The following SLC25A17 variants were observed in gnomAD, a reference collection of about 807,000 sequenced individuals.
SLC25A17 encodes the protein peroxisomal membrane protein PMP34.
In SLC25A17, 26 loss-of-function variants were observed where a neutral mutation model predicts 38.5. The observed-to-expected ratio is 0.68, with a 90% CI of 0.50 to 0.94. The LOEUF is 0.94. Ranked by LOEUF, SLC25A17 falls within the 40% of genes least tolerant of loss-of-function variation. The pLI is 0.00. For synonymous variants in SLC25A17, 139 were observed against 136.2 expected, an observed-to-expected ratio of 1.02 and a Z score of -0.14; for missense variants, 333 against 372.7, an observed-to-expected ratio of 0.89 and a Z score of 0.88.
At chr22:40,798,957 AAG>A in intron 2 of SLC25A17, 64 bp downstream of exon 2, 2 of 1,180,080 alleles carry the variant, frequency 1.7e-6, no homozygotes, top group East Asian at 2.4e-5. Context: ...AAAAAAAAAA[AAG>A]AAATTACTAG....
intron 1 of SLC25A17, among the ~76,000 whole-genome samples, chr22:40,803,030 A>G (rs2057496543): frequency 6.6e-6 from 1 of 152,238 alleles, no homozygotes; most frequent in South Asian, 2.1e-4. Context: ...AATATCGGAA[A>G]TCTTCTCTTC....
At chr22:40,791,784 G>A (rs2057387052) in intron 4 of SLC25A17, among the ~76,000 whole-genome samples, 1 of 152,180 alleles carries the variant, frequency 6.6e-6, no homozygotes, top group Non-Finnish European at 1.5e-5. Context: ...TCTGTGTACT[G>A]TTGGTGGGAT....
chr22:40,819,306 A>C lies in SLC25A17; in HGVS notation c.-58T>G, dbSNP rs1291294739. The C allele has an allele frequency of 2.6e-6, 4 of 1,541,106 alleles. No homozygotes were observed. The African/African-American group carries it at 5.6e-5, about 22-fold the overall frequency. Reference sequence around the variant, plus strand: ...TTCCCACAGATGCCGCAGCCAGTGGAGTTAGGAAAGGAGCACCGGAGCTCA... The same window carrying C: ...TTCCCACAGATGCCGCAGCCAGTGGCGTTAGGAAAGGAGCACCGGAGCTCA... On this transcript the variant is annotated 5_prime_UTR_variant, in exon 1 of 9. Transcript: ENST00000435456.
intron 8 of SLC25A17, among the ~76,000 whole-genome samples, chr22:40,772,325 T>C (rs963794415): frequency 7.9e-5 from 12 of 152,320 alleles, no homozygotes; most frequent in Admixed American, 3.9e-4. Context: ...TATTTTTTGA[T>C]AGAAGGTCTC....
intron 7 of SLC25A17, among the ~76,000 whole-genome samples, chr22:40,775,765 T>C (rs1374676521): frequency 6.6e-6 from 1 of 152,144 alleles, no homozygotes; most frequent in Non-Finnish European, 1.5e-5. Context: ...GCCCAACCGA[T>C]CTGATGGTTT....
intron 4 of SLC25A17, among the ~76,000 whole-genome samples, chr22:40,792,191 T>C (rs2057390538): frequency 6.6e-6 from 1 of 152,078 alleles, no homozygotes; most frequent in Non-Finnish European, 1.5e-5. Context: ...AGTAGTCAAA[T>C]TCTTAGAAAC....
chr22:40,800,768 T>A (rs2057473482), intron 1 of SLC25A17, among the ~76,000 whole-genome samples: 1 of 129,410 alleles, frequency 7.7e-6, no homozygotes, highest in Admixed American at 7.9e-5. Flanking sequence ...CCAGCCTGGG[T>A]GACAAAGCGA....
chr22:40,818,315 G>A (rs1280654448), intron 1 of SLC25A17, among the ~76,000 whole-genome samples: 1 of 152,170 alleles, frequency 6.6e-6, no homozygotes, highest in Non-Finnish European at 1.5e-5. Context: ...AAAGAGGGGA[G>A]AGGGGAAGTG....
At chr22:40,771,638 T>C (rs2057184154) in intron 8 of SLC25A17, among the ~76,000 whole-genome samples, 1 of 152,112 alleles carries the variant, frequency 6.6e-6, no homozygotes, top group Non-Finnish European at 1.5e-5. Context: ...TTCTCACTTA[T>C]TTGAGGGACC....
chr22:40,770,782 A>T lies in SLC25A17; in HGVS notation c.*52T>A. 4.5e-6 allele frequency: 7 copies of T among 1,546,680 alleles called. No homozygotes were observed. The highest frequency in any genetic ancestry group is 6.2e-6 in the Non-Finnish European group (7 of 1,137,154). On this transcript the variant is annotated 3_prime_UTR_variant, in exon 9 of 9. Transcript: ENST00000435456. Reference sequence around the variant, plus strand: ...AAGGGAGAATCACTTCTCTTCACTCAGGAGGAAACCTCCCTCTTGAGCATC... The same window carrying T: ...AAGGGAGAATCACTTCTCTTCACTCTGGAGGAAACCTCCCTCTTGAGCATC...
At chr22:40,813,486 C>T (rs914152712) in intron 1 of SLC25A17, among the ~76,000 whole-genome samples, 8 of 151,886 alleles carry the variant, frequency 5.3e-5, no homozygotes, top group Middle Eastern at 3.2e-3. Context: ...TGCAGTAAGC[C>T]GAGATCGTGC....
At chr22:40,799,111 G>C (rs2057457673) in intron 1 of SLC25A17, 28 bp from the exon 2 acceptor site, 1 of 1,585,558 alleles carries the variant, frequency 6.3e-7, no homozygotes, top group Non-Finnish European at 8.6e-7. Flanking sequence ...GGCCATTACA[G>C]CATCACAAAC....
Position 40,770,830 on chromosome 22 carries a change from C to T in SLC25A17, c.*4G>A, listed in dbSNP as rs372701218. ...ATCTTCGGAATTTTTCATGGGAAGG[C>T]GTCTCAGTGTTGGTGTGCACGCTTC... On this transcript the variant is annotated 3_prime_UTR_variant, in exon 9 of 9. Transcript: ENST00000435456. The T allele has an allele frequency of 2.6e-5, 42 of 1,589,968 alleles. No individual in the cohort carries two copies. Among genetic ancestry groups the T allele is most frequent in the Middle Eastern group, 1.7e-4 (1 of 5,960 alleles).
At chr22:40,785,551 T>G (rs1387970916) in intron 4 of SLC25A17, among the ~76,000 whole-genome samples, 1 of 152,134 alleles carries the variant, frequency 6.6e-6, no homozygotes, top group South Asian at 2.1e-4. Context: ...GTGTTTAGGA[T>G]GAAGAAGTCA....
intron 3 of SLC25A17, among the ~76,000 whole-genome samples, chr22:40,793,700 C>T (rs752024426): frequency 6.6e-6 from 1 of 152,110 alleles, no homozygotes; most frequent in African/African-American, 2.4e-5. Context: ...GCAACCTCCA[C>T]CTCCTGGGTT....
chr22:40,799,135 C>T (rs1022294524), intron 1 of SLC25A17, 52 bp from the exon 2 acceptor site: 2 of 1,463,628 alleles, frequency 1.4e-6, no homozygotes, highest in Non-Finnish European at 1.9e-6. Flanking sequence ...GTTTAAGTCA[C>T]AACTTTTTTT....
rs2057167658 is a variant in SLC25A17 at position 40,770,179 on chromosome 22, A to G, written c.*655T>C. The G allele has an allele frequency of 6.6e-6, 1 of 152,256 alleles. No individual in the cohort carries two copies. Among genetic ancestry groups the G allele is most frequent in the Non-Finnish European group, 1.5e-5 (1 of 68,050 alleles). 9.4% of individuals were successfully genotyped at this position (152,256 alleles called of 1,614,324 possible). A position where few individuals can be genotyped will look rare whatever the true frequency, so the allele number is the denominator to read the frequency against. On this transcript the variant is annotated 3_prime_UTR_variant, in exon 9 of 9. Transcript: ENST00000435456. ...TTCGTAATGAAAGGATTGATTCAAA[A>G]TAAATATTCTAAAAATTATGTCAAA...
At chr22:40,771,320 C>G (rs1252154544) in intron 8 of SLC25A17, among the ~76,000 whole-genome samples, 1 of 152,102 alleles carries the variant, frequency 6.6e-6, no homozygotes, top group Non-Finnish European at 1.5e-5. Context: ...CCATGTTAGC[C>G]AGGATGGTCT....
At chr22:40,814,787 ATATT>A (rs1443906596) in intron 1 of SLC25A17, among the ~76,000 whole-genome samples, 2 of 103,262 alleles carry the variant, frequency 1.9e-5, no homozygotes, top group East Asian at 2.3e-4. Flanking sequence ...ATATATATAT[ATATT>A]GTTGTTGTTG....
Sources: gnomAD v4.1 joint callset for allele counts (sites outside exome capture counted in the v4.1 genomes callset) on GRCh38, gnomAD v4.1.1 for gene constraint, MANE v1.5 for transcripts, NCBI Gene and HGNC (gene_info 2026-07-23, HGNC 2026-07-21) for gene names.